HS3ST3A1: variants seen among roughly 807,000 people sequenced by gnomAD.
The protein encoded by HS3ST3A1 is heparan sulfate-glucosamine 3-sulfotransferase 3A1.
A neutral mutation model predicts 25.7 loss-of-function variants in HS3ST3A1; 19 were observed. The ratio of observed to expected loss-of-function variants is 0.74; its 90% CI spans 0.52 to 1.08. The LOEUF is 1.08. Ranked by LOEUF, HS3ST3A1 falls within the 50% of genes least tolerant of loss-of-function variation. HS3ST3A1 has a pLI of 0.00. For missense variants in HS3ST3A1, 459 were observed against 594.3 expected (o/e 0.77, Z 2.37); for synonymous variants, 226 against 278.6 (o/e 0.81, Z 1.88).
chr17:13,587,508 T>C (rs777653692), intron 1 of HS3ST3A1, among the ~76,000 whole-genome samples: 9 of 152,166 alleles, frequency 5.9e-5, no homozygotes, highest in Non-Finnish European at 1.0e-4. Flanking sequence ...GTTCCTAACT[T>C]GATGTCTCAC....
At chr17:13,546,321 A>G (rs897950250) in intron 1 of HS3ST3A1, among the ~76,000 whole-genome samples, 1 of 151,876 alleles carries the variant, frequency 6.6e-6, no homozygotes, top group Non-Finnish European at 1.5e-5. Context: ...GCTGGAGTGC[A>G]GCGGCGTGAT....
At chr17:13,579,518 T>C (rs1296880512) in intron 1 of HS3ST3A1, among the ~76,000 whole-genome samples, 1 of 151,648 alleles carries the variant, frequency 6.6e-6, no homozygotes, top group Non-Finnish European at 1.5e-5. Context: ...CTGGCCAACA[T>C]GGTGAAACCC....
Position 13,600,719 on chromosome 17 carries a change from C to G in HS3ST3A1, c.411G>C (p.Pro137=). The G allele has an allele frequency of 6.5e-7, 1 of 1,550,338 alleles. No homozygotes were observed. Among genetic ancestry groups the G allele is most frequent in the Non-Finnish European group, 8.7e-7 (1 of 1,155,372 alleles). ...CCAGGAGCAGCGCCAGGGTCCCCGG[C>G]GGGGCCTCGGCCACGGTGCTTCCGG... ...SGAGSTVAEA[P]PGTLALLLDE... is the part of the protein sequence containing the mutation. Residue 137 remains proline (P), a synonymous_variant, in exon 1 of 2, where the codon CCG becomes CCC. Coordinates refer to ENST00000284110, the MANE Select transcript of HS3ST3A1 (RefSeq NM_006042.3).
chr17:13,518,574 T>A (rs1906126880), intron 1 of HS3ST3A1, among the ~76,000 whole-genome samples: 1 of 152,196 alleles, frequency 6.6e-6, no homozygotes, highest in African/African-American at 2.4e-5. Flanking sequence ...AGGAGTGGAA[T>A]CTGTTTTCCC....
intron 1 of HS3ST3A1, among the ~76,000 whole-genome samples, chr17:13,524,235 C>G (rs1432022202): frequency 6.6e-6 from 1 of 152,046 alleles, no homozygotes; most frequent in African/African-American, 2.4e-5. Context: ...AAGTAGCCTT[C>G]TGATAGCTAT....
At chr17:13,565,264 G>A (rs936124765) in intron 1 of HS3ST3A1, among the ~76,000 whole-genome samples, 9 of 152,034 alleles carry the variant, frequency 5.9e-5, no homozygotes, top group Non-Finnish European at 1.2e-4. Context: ...GAGGCCAGGC[G>A]CAGTTGCCCC....
chr17:13,525,779 A>G (rs954340645), intron 1 of HS3ST3A1, among the ~76,000 whole-genome samples: 6 of 152,110 alleles, frequency 3.9e-5, no homozygotes, highest in African/African-American at 1.4e-4. Context: ...ATATTTGTCC[A>G]TATTTGGGAC....
At chr17:13,593,523 G>A (rs1598436109) in intron 1 of HS3ST3A1, among the ~76,000 whole-genome samples, 1 of 152,202 alleles carries the variant, frequency 6.6e-6, no homozygotes, top group South Asian at 2.1e-4. Context: ...GGAAAGATCA[G>A]CATGTCTGGA....
intron 1 of HS3ST3A1, among the ~76,000 whole-genome samples, chr17:13,582,170 A>C (rs892328049): frequency 2.6e-5 from 4 of 152,192 alleles, no homozygotes; most frequent in Admixed American, 6.5e-5. Context: ...AAAGTATAGT[A>C]CATCATCACT....
In HS3ST3A1 at chr17:13,496,806, G is replaced by A. The variant is rs548672290; in HGVS notation, c.612C>T (p.Pro204=). 1.2e-6 allele frequency: 2 copies of A among 1,611,224 alleles called. No homozygotes were observed. The highest frequency in any genetic ancestry group is 1.7e-4 in the Middle Eastern group (1 of 6,032). Residue 204 remains proline, a synonymous_variant, in exon 2 of 2, where the codon CCC becomes CCT. Coordinates refer to ENST00000284110, the MANE Select transcript of HS3ST3A1 (RefSeq NM_006042.3). The part of the protein sequence containing the change: ...KGLAWYRDLM[P]RTLDGQITME... ...TGGTGATCTGCCCGTCCAGGGTTCT[G>A]GGCATCAGGTCCCTGAGAAACGCAA...
intron 1 of HS3ST3A1, among the ~76,000 whole-genome samples, chr17:13,545,665 G>T (rs1273989247): frequency 6.6e-6 from 1 of 152,178 alleles, no homozygotes; most frequent in African/African-American, 2.4e-5. Context: ...AACCTCCGTT[G>T]CTCATGTCTG....
chr17:13,574,409 G>A (rs1033105820), intron 1 of HS3ST3A1, among the ~76,000 whole-genome samples: 21 of 151,074 alleles, frequency 1.4e-4, no homozygotes, highest in South Asian at 2.1e-4. Context: ...GAGCCACTGC[G>A]CCCGGCCCTA....
At chr17:13,549,223 G>A (rs908552039) in intron 1 of HS3ST3A1, among the ~76,000 whole-genome samples, 2 of 152,074 alleles carry the variant, frequency 1.3e-5, no homozygotes, top group East Asian at 1.9e-4. Flanking sequence ...CCCTCACTGC[G>A]AAGGTCTGCG....
chr17:13,525,556 C>T (rs936675926), intron 1 of HS3ST3A1, among the ~76,000 whole-genome samples: 2 of 152,144 alleles, frequency 1.3e-5, no homozygotes, highest in Non-Finnish European at 2.9e-5. Flanking sequence ...CTCAGTTAAC[C>T]TTTTCAAATT....
intron 1 of HS3ST3A1, among the ~76,000 whole-genome samples, chr17:13,559,962 G>A (rs554014744): frequency 4.0e-5 from 6 of 151,582 alleles, no homozygotes; most frequent in African/African-American, 1.5e-4. Flanking sequence ...TTTATATTTT[G>A]AAAATTTTCA....
intron 1 of HS3ST3A1, among the ~76,000 whole-genome samples, chr17:13,526,477 TATATATATATATATA>T (rs1567614525): frequency 7.9e-4 from 28 of 35,224 alleles, no homozygotes; most frequent in African/African-American, 3.1e-3. Flanking sequence ...TTAATTTTTA[TATATATATATATATA>T]TATATATATA....
At chr17:13,496,933 T>G in intron 1 of HS3ST3A1, 115 bp from the exon 2 acceptor site, 1 of 1,415,596 alleles carries the variant, frequency 7.1e-7, no homozygotes, top group South Asian at 1.4e-5. Context: ...ACCCCCCACT[T>G]GCTAGACATC....
intron 1 of HS3ST3A1, among the ~76,000 whole-genome samples, chr17:13,524,994 C>T (rs914018354): frequency 2.0e-5 from 3 of 151,946 alleles, no homozygotes; most frequent in Admixed American, 6.6e-5. Flanking sequence ...CATGTTTTAC[C>T]TTGAATTTTA....
intron 1 of HS3ST3A1, among the ~76,000 whole-genome samples, chr17:13,599,902 A>T (rs1259125512): frequency 2.6e-5 from 4 of 152,230 alleles, no homozygotes; most frequent in Non-Finnish European, 5.9e-5. Context: ...TACAAAACTC[A>T]TTCCTTGCCC....
Sources: allele counts gnomAD v4.1 joint callset (sites outside exome capture counted in the v4.1 genomes callset), GRCh38; gene constraint gnomAD v4.1.1; transcripts MANE v1.5; gene names NCBI Gene and HGNC (gene_info 2026-07-23, HGNC 2026-07-21).